Variants in COL28A1 observed in about 807,000 individuals in gnomAD.
The protein encoded by COL28A1 is collagen type XXVIII alpha 1 chain.
In COL28A1, 161 loss-of-function variants were observed where a neutral mutation model predicts 150.2. The ratio of observed to expected loss-of-function variants is 1.07; its 90% confidence interval spans 0.94 to 1.22. COL28A1 has a LOEUF of 1.22. Among genes scored for constraint, COL28A1 ranks in the 50% most tolerant of loss-of-function variants. The pLI, the probability that COL28A1 is intolerant of heterozygous loss-of-function variation, is 0.00. For missense variants in COL28A1, 1,617 were observed against 1,388.3 expected, an observed-to-expected ratio of 1.16 and a Z score of -2.62; for synonymous variants, 552 against 469.7, an observed-to-expected ratio of 1.18 and a Z score of -2.26.
At chr7:7,434,755 T>C (rs1185953021) in intron 23 of COL28A1, among the ~76,000 whole-genome samples, 1 of 152,222 alleles carries the variant, frequency 6.6e-6, no homozygotes, top group Admixed American at 6.5e-5. Flanking sequence ...GGTTTTTATT[T>C]TGGACTCCTT....
At chr7:7,517,769 A>G (rs768308606) in intron 7 of COL28A1, 27 bp downstream of exon 7, 58 of 1,613,234 alleles carry the variant, frequency 3.6e-5, no homozygotes, top group Non-Finnish European at 4.8e-5. Context: ...TCACTTTCTT[A>G]GGAAGGCATT....
chr7:7,464,701 T>C (rs1045846632), intron 15 of COL28A1, among the ~76,000 whole-genome samples: 8 of 152,032 alleles, frequency 5.3e-5, no homozygotes, highest in Admixed American at 5.2e-4. Flanking sequence ...AACACCTATA[T>C]CAAAAAGTCT....
chr7:7,457,688 G>T (rs1337427614), intron 15 of COL28A1, among the ~76,000 whole-genome samples: 1 of 152,138 alleles, frequency 6.6e-6, no homozygotes, highest in African/African-American at 2.4e-5. Flanking sequence ...ATCATTAGAG[G>T]TCAGAGAGAT....
intron 25 of COL28A1, among the ~76,000 whole-genome samples, chr7:7,425,425 G>C (rs950293969): frequency 4.6e-5 from 7 of 152,186 alleles, no homozygotes; most frequent in African/African-American, 7.2e-5. Context: ...TCAAGGAGAA[G>C]AACATCCTGG....
intron 4 of COL28A1, 37 bp downstream of exon 4, chr7:7,524,192 G>A (rs548820138): frequency 3.0e-6 from 3 of 1,009,256 alleles, no homozygotes; most frequent in African/African-American, 1.6e-5. Flanking sequence ...GCAAGTGTTT[G>A]GAGTAATTCG....
the COL28A1 span, among the ~76,000 whole-genome samples, chr7:7,340,241 A>G: frequency 2.0e-5 from 3 of 152,226 alleles, no homozygotes; most frequent in East Asian, 5.8e-4. Flanking sequence ...TTGGTAATAC[A>G]AGTTTTAAAA....
chr7:7,400,191 C>A (rs1006741470), intron 27 of COL28A1, among the ~76,000 whole-genome samples: 12 of 152,186 alleles, frequency 7.9e-5, no homozygotes, highest in African/African-American at 2.9e-4. Flanking sequence ...GTCCCCATCC[C>A]TGGAACCTAT....
At chr7:7,514,926 T>G (rs967998188) in intron 8 of COL28A1, among the ~76,000 whole-genome samples, 1 of 152,162 alleles carries the variant, frequency 6.6e-6, no homozygotes, top group Non-Finnish European at 1.5e-5. Context: ...GGTTTTTGTA[T>G]GCCCTCCCAG....
intron 18 of COL28A1, among the ~76,000 whole-genome samples, chr7:7,448,010 G>A (rs1039207077): frequency 6.6e-6 from 1 of 152,172 alleles, no homozygotes; most frequent in Non-Finnish European, 1.5e-5. Flanking sequence ...AGGCTGCAGT[G>A]AGTCAAGAGC....
intron 11 of COL28A1, among the ~76,000 whole-genome samples, chr7:7,501,712 A>T (rs2115096795): frequency 6.6e-6 from 1 of 152,200 alleles, no homozygotes; most frequent in East Asian, 1.9e-4. Context: ...GTCACATGTG[A>T]TTGCAACCTG....
chr7:7,475,502 A>G (rs981237376), intron 14 of COL28A1, among the ~76,000 whole-genome samples: 1 of 152,172 alleles, frequency 6.6e-6, no homozygotes. Context: ...TCTTTCTTTG[A>G]TGAGATAGAG....
intron 11 of COL28A1, among the ~76,000 whole-genome samples, chr7:7,503,278 T>C (rs947044588): frequency 1.3e-5 from 2 of 152,228 alleles, no homozygotes; most frequent in Non-Finnish European, 2.9e-5. Context: ...TGTGCCTTAG[T>C]AGACTAATCT....
intron 11 of COL28A1, among the ~76,000 whole-genome samples, chr7:7,498,079 T>C (rs1780318280): frequency 6.6e-6 from 1 of 152,190 alleles, no homozygotes; most frequent in African/African-American, 2.4e-5. Context: ...TTTTAGTAAC[T>C]CTTAACTCAC....
upstream of COL28A1, among the ~76,000 whole-genome samples, chr7:7,536,563 G>A (rs140430559): frequency 1.3e-5 from 2 of 152,170 alleles, no homozygotes; most frequent in African/African-American, 2.4e-5. Flanking sequence ...TCTACCTTGT[G>A]GTTATGGTCC....
chr7:7,356,567 A>G (rs1780366073), downstream of COL28A1: 1 of 152,216 alleles, frequency 6.6e-6, no homozygotes, highest in African/African-American at 2.4e-5. Flanking sequence ...GCTGGAAACC[A>G]TCATTCTCAG....
chr7:7,507,070 C>T lies in COL28A1; in HGVS notation c.972+47G>A, dbSNP rs747123568. The T allele has an allele frequency of 6.8e-6, 6 of 882,168 alleles. No homozygotes were observed. In the Admixed American group the frequency reaches 8.7e-5, roughly 13 times the overall value. The allele number at this position is 882,168 out of a possible 1,614,324, so 54.6% of individuals were successfully genotyped here. ...GGGCAAGGGGATGGTTTAAAAACTC[C>T]CCAGGTGATTCTAATTCAAACTTAG... On this transcript the variant is annotated intron_variant, in intron 10 of 34. Coordinates refer to ENST00000399429, the MANE Select transcript of COL28A1 (RefSeq NM_001037763.3).
chr7:7,442,622 C>T (rs939206633), intron 20 of COL28A1, among the ~76,000 whole-genome samples: 2 of 152,128 alleles, frequency 1.3e-5, no homozygotes, highest in African/African-American at 4.8e-5. Flanking sequence ...GTTCACAAGA[C>T]ATCAATTACT....
chr7:7,537,262 T>C (rs1782677262), upstream of COL28A1, among the ~76,000 whole-genome samples: 1 of 152,040 alleles, frequency 6.6e-6, no homozygotes, highest in African/African-American at 2.4e-5. Context: ...CCACCCACTC[T>C]CTCAGACAGG....
At chr7:7,356,031 C>A (rs774111034), downstream of COL28A1, among the ~76,000 whole-genome samples, 27 of 152,000 alleles carry the variant, frequency 1.8e-4, no homozygotes, top group Non-Finnish European at 3.7e-4. Flanking sequence ...ATGCAATAAT[C>A]TAGTGAGTTG....
Sources: gnomAD v4.1 joint callset for allele counts (sites outside exome capture counted in the v4.1 genomes callset) on GRCh38, gnomAD v4.1.1 for gene constraint, MANE v1.5 for transcripts, NCBI Gene and HGNC (gene_info 2026-07-23, HGNC 2026-07-21) for gene names.